Variants in TEKT3 observed in about 807,000 individuals in gnomAD.
TEKT3 encodes the protein tektin-3.
TEKT3 carries 49 observed loss-of-function variants against 49.8 expected under a neutral mutation model. That is an observed-to-expected ratio of 0.98 (90% CI 0.78 to 1.25). The LOEUF (loss-of-function observed/expected upper bound fraction) is 1.25, where lower values mean the gene tolerates loss of function less well. Ranked by LOEUF, TEKT3 falls within the 50% of genes most tolerant of loss-of-function variation. The pLI, the probability that TEKT3 is intolerant of heterozygous loss-of-function variation, is 0.00. For synonymous variants in TEKT3, 225 were observed against 237.2 expected, an observed-to-expected ratio of 0.95 and a Z score of 0.47; for missense variants, 595 against 629.5, an observed-to-expected ratio of 0.95 and a Z score of 0.59.
At chr17:15,313,963 G>T (rs1597660497) in intron 6 of TEKT3, 124 bp downstream of exon 6, 2 of 1,360,920 alleles carry the variant, frequency 1.5e-6, no homozygotes, top group East Asian at 4.7e-5. Flanking sequence ...TCCAAAGCTG[G>T]GTGTGTTTCT....
chr17:15,336,971 G>A (rs1218516958), intron 2 of TEKT3, among the ~76,000 whole-genome samples: 1 of 152,106 alleles, frequency 6.6e-6, no homozygotes, highest in East Asian at 1.9e-4. Context: ...CAGGCTGAAT[G>A]AGGATGAGAG....
At chr17:15,312,229 G>A in intron 7 of TEKT3, 30 bp downstream of exon 7, 3 of 1,606,696 alleles carry the variant, frequency 1.9e-6, no homozygotes, top group Non-Finnish European at 1.7e-6. Context: ...GTCCAGGTCA[G>A]CTAAGGGGTA....
intron 4 of TEKT3, among the ~76,000 whole-genome samples, chr17:15,324,505 C>T (rs2150745319): frequency 6.6e-6 from 1 of 152,292 alleles, no homozygotes; most frequent in East Asian, 1.9e-4. Context: ...GTCATTCATG[C>T]TTAAGCATTT....
chr17:15,305,544 A>G (rs1038548775), intron 8 of TEKT3, among the ~76,000 whole-genome samples: 1 of 152,308 alleles, frequency 6.6e-6, no homozygotes, highest in South Asian at 2.1e-4. Context: ...AAAGAAATAC[A>G]TCTTCGGCGA....
chr17:15,342,876 A>G (rs1597426206), upstream of TEKT3, among the ~76,000 whole-genome samples: 3 of 152,284 alleles, frequency 2.0e-5, no homozygotes, highest in East Asian at 5.8e-4. Flanking sequence ...TTTTCCCACT[A>G]TGTTCCTTAT....
chr17:15,339,711 CA>C (rs1290119154), intron 2 of TEKT3, among the ~76,000 whole-genome samples: 1 of 152,180 alleles, frequency 6.6e-6, no homozygotes, highest in African/African-American at 2.4e-5. Context: ...TGCCTTAGAT[CA>C]GGGGCAAGCA....
chr17:15,335,461 G>A (rs1911940131), intron 2 of TEKT3, among the ~76,000 whole-genome samples: 2 of 152,146 alleles, frequency 1.3e-5, no homozygotes, highest in Non-Finnish European at 2.9e-5. Flanking sequence ...AGCATTCAAG[G>A]GAGACACTAG....
chr17:15,331,772 A>G (rs1911764093), intron 2 of TEKT3, among the ~76,000 whole-genome samples, 158 bp from the exon 3 acceptor site: 1 of 152,042 alleles, frequency 6.6e-6, no homozygotes, highest in South Asian at 2.1e-4. Context: ...CATTGATAAT[A>G]TATTCCAACA....
At chr17:15,323,164 T>C (rs1432931390) in intron 4 of TEKT3, among the ~76,000 whole-genome samples, 1 of 152,238 alleles carries the variant, frequency 6.6e-6, no homozygotes, top group Non-Finnish European at 1.5e-5. Flanking sequence ...TGGACTGGAC[T>C]GGGCTGAAAT....
chr17:15,306,089 A>ATGTGTGTGTGTG (rs58688985), intron 8 of TEKT3, among the ~76,000 whole-genome samples: 86 of 144,408 alleles, frequency 6.0e-4, no homozygotes, highest in African/African-American at 1.0e-3. Flanking sequence ...ATTTATATAT[A>ATGTGTGTGTGTG]TGTGTGTGTG....
chr17:15,328,650 G>A (rs896998699), intron 3 of TEKT3, among the ~76,000 whole-genome samples: 9 of 152,006 alleles, frequency 5.9e-5, no homozygotes, highest in South Asian at 4.1e-4. Flanking sequence ...TACTTTGTTC[G>A]TCTTAACAAG....
intron 6 of TEKT3, among the ~76,000 whole-genome samples, chr17:15,313,832 G>A (rs1910871775): frequency 6.6e-6 from 1 of 152,138 alleles, no homozygotes; most frequent in Non-Finnish European, 1.5e-5. Context: ...TAGGACTTCT[G>A]CATCAGGTAG....
chr17:15,331,560 G>A lies in TEKT3; in HGVS notation c.26C>T (p.Thr9Met), dbSNP rs186169524. The A allele has an allele frequency of 5.6e-5, 91 of 1,613,404 alleles. No individual in the cohort carries two copies. The highest frequency in any genetic ancestry group is 5.0e-4 in the Middle Eastern group (3 of 6,052). MERVGCTLTTTYAHPRPTP... is the reference protein window; with the variant it reads MERVGCTLMTTYAHPRPTP... ...TGGTCTAGGGTGGGCGTAAGTTGTC[G>A]TTAAAGTACAACCTACACGTTCCAT... is the stretch of plus-strand genomic sequence containing the variant. Residue 9 changes from threonine to methionine, a missense_variant, in exon 3 of 9, where the codon ACG becomes ATG. Coordinates refer to ENST00000395930, the MANE Select transcript of TEKT3 (RefSeq NM_031898.3).
At chr17:15,307,435 A>G (rs1197877369) in intron 8 of TEKT3, among the ~76,000 whole-genome samples, 1 of 152,230 alleles carries the variant, frequency 6.6e-6, no homozygotes, top group African/African-American at 2.4e-5. Context: ...CACTTGTAAT[A>G]TGAAGGTAAT....
At chr17:15,310,585 C>T (rs777969908) in intron 7 of TEKT3, among the ~76,000 whole-genome samples, 1 of 152,000 alleles carries the variant, frequency 6.6e-6, no homozygotes, top group Non-Finnish European at 1.5e-5. Flanking sequence ...CAGAGAAAAC[C>T]AACCCTGCCG....
chr17:15,337,726 C>T (rs191807279), intron 2 of TEKT3, among the ~76,000 whole-genome samples: 1 of 152,234 alleles, frequency 6.6e-6, no homozygotes, highest in East Asian at 1.9e-4. Context: ...CCTGTAATCC[C>T]AGCTACTCAG....
chr17:15,312,202 C>T (rs1202497128), intron 7 of TEKT3, 57 bp downstream of exon 7: 5 of 1,533,062 alleles, frequency 3.3e-6, no homozygotes, highest in Non-Finnish European at 4.5e-6. Context: ...ATTTGTAGTC[C>T]CAGAGCACAC....
chr17:15,324,441 T>C (rs568721663), intron 4 of TEKT3, among the ~76,000 whole-genome samples: 3 of 152,324 alleles, frequency 2.0e-5, no homozygotes, highest in African/African-American at 4.8e-5. Context: ...TGTTTTCTTT[T>C]CTCCTGGAAT....
At chr17:15,329,001 G>T (rs1188727868) in intron 3 of TEKT3, among the ~76,000 whole-genome samples, 1 of 152,090 alleles carries the variant, frequency 6.6e-6, no homozygotes, top group Admixed American at 6.6e-5. Flanking sequence ...ACCAGAAGAA[G>T]AATTAACGGG....
Sources: allele counts gnomAD v4.1 joint callset (sites outside exome capture counted in the v4.1 genomes callset), GRCh38; gene constraint gnomAD v4.1.1; transcripts MANE v1.5; gene names NCBI Gene and HGNC (gene_info 2026-07-23, HGNC 2026-07-21).